Variants in MARCHF1 observed in about 807,000 individuals in gnomAD.
The protein encoded by MARCHF1 is E3 ubiquitin-protein ligase MARCHF1.
A neutral mutation model predicts 54.2 loss-of-function variants in MARCHF1; 40 were observed. The ratio of observed to expected loss-of-function variants is 0.74; its 90% CI spans 0.57 to 0.96. The LOEUF is 0.96. Among genes scored for constraint, MARCHF1 ranks in the 40% least tolerant of loss-of-function variants. The pLI is 0.00. For missense variants in MARCHF1, 586 were observed against 656.5 expected (o/e 0.89, Z 1.17); for synonymous variants, 236 against 236.3 (o/e 1.00, Z 0.01).
At position 164,089,204 on chromosome 4, in the gene MARCHF1, G is replaced by T. The variant is rs568765348; in HGVS notation, c.-248+22384C>A. ...ACACTAAATAACAAAATATGACATT[G>T]AATATTGTCATGAAAATACGACATT... On this transcript the variant is annotated intron_variant, in intron 2 of 9. Transcript: ENST00000514618. Among the ~76,000 whole-genome samples, 4 of 152,142 alleles carry T rather than the reference G, an allele frequency of 2.6e-5. No individual in the cohort carries two copies. In the South Asian group the frequency reaches 8.3e-4, roughly 32 times the overall value.
intron 4 of MARCHF1, among the ~76,000 whole-genome samples, chr4:163,730,878 C>G (rs944109373): frequency 6.6e-6 from 1 of 152,134 alleles, no homozygotes; most frequent in African/African-American, 2.4e-5. Context: ...CTGCTTCTCC[C>G]TCTCCCAATG....
intron 1 of MARCHF1, among the ~76,000 whole-genome samples, chr4:164,243,624 C>A (rs1278310620): frequency 1.9e-4 from 29 of 152,038 alleles, no homozygotes; most frequent in Non-Finnish European, 3.2e-4. Context: ...CTTTAAATGT[C>A]AATGGACTAA....
chr4:163,605,709 T>C (rs1337583721), intron 7 of MARCHF1, among the ~76,000 whole-genome samples: 2 of 152,214 alleles, frequency 1.3e-5, no homozygotes, highest in East Asian at 1.9e-4. Flanking sequence ...ATATACACCA[T>C]GAAATATTAT....
intron 3 of MARCHF1, among the ~76,000 whole-genome samples, chr4:163,929,522 C>G (rs1751608577): frequency 6.6e-6 from 1 of 151,922 alleles, no homozygotes; most frequent in Admixed American, 6.6e-5. Flanking sequence ...TCTTACAGTT[C>G]ATTTTTGCCA....
chr4:163,913,898 ATG>A (rs982917731), intron 3 of MARCHF1, among the ~76,000 whole-genome samples: 69 of 152,296 alleles, frequency 4.5e-4, no homozygotes, highest in African/African-American at 1.6e-3. Flanking sequence ...CCTGAATGAT[ATG>A]TGTCATTAAC....
chr4:163,590,255 T>TA (rs371898817), intron 7 of MARCHF1, among the ~76,000 whole-genome samples: 570 of 129,762 alleles, frequency 4.4e-3, no homozygotes, highest in African/African-American at 9.0e-3. Context: ...AACTCATCAC[T>TA]AAAAAAAAAA....
At chr4:163,987,455 T>TGAGTACA (rs1392230845) in intron 3 of MARCHF1, among the ~76,000 whole-genome samples, 1 of 152,202 alleles carries the variant, frequency 6.6e-6, no homozygotes, top group African/African-American at 2.4e-5. Flanking sequence ...TGTACTCAAA[T>TGAGTACA]TTATTAGTCT....
At chr4:164,017,975 A>T (rs994122709) in intron 2 of MARCHF1, among the ~76,000 whole-genome samples, 7 of 151,942 alleles carry the variant, frequency 4.6e-5, no homozygotes, top group Non-Finnish European at 8.8e-5. Context: ...AGAAATAAAT[A>T]AAAAGTTTTG....
intron 2 of MARCHF1, among the ~76,000 whole-genome samples, chr4:164,097,459 C>T (rs896616945): frequency 1.3e-5 from 2 of 152,082 alleles, no homozygotes; most frequent in East Asian, 1.9e-4. Context: ...ATATCATAAA[C>T]TATGATTTAT....
At chr4:164,152,186 G>T (rs115831512) in intron 1 of MARCHF1, among the ~76,000 whole-genome samples, 61 of 152,272 alleles carry the variant, frequency 4.0e-4, no homozygotes, top group Non-Finnish European at 7.4e-4. Flanking sequence ...GTGATTTCAG[G>T]TGGTGATACT....
intron 7 of MARCHF1, among the ~76,000 whole-genome samples, chr4:163,605,284 A>G (rs1401504259): frequency 6.6e-6 from 1 of 152,182 alleles, no homozygotes; most frequent in Non-Finnish European, 1.5e-5. Flanking sequence ...ACATTTATGC[A>G]GCCAACAAAC....
At chr4:163,842,671 C>T (rs766194945) in intron 4 of MARCHF1, among the ~76,000 whole-genome samples, 12 of 152,172 alleles carry the variant, frequency 7.9e-5, no homozygotes, top group Admixed American at 2.6e-4. Flanking sequence ...GCTCATGGCA[C>T]GTAGTATGTA....
chr4:163,652,092 T>C (rs1380702106), intron 5 of MARCHF1, among the ~76,000 whole-genome samples: 6 of 151,864 alleles, frequency 4.0e-5, no homozygotes, highest in Non-Finnish European at 5.9e-5. Flanking sequence ...CATGTGCAGA[T>C]GGATAATGCC....
intron 1 of MARCHF1, among the ~76,000 whole-genome samples, chr4:164,291,005 T>C (rs1734271186): frequency 6.6e-6 from 1 of 151,986 alleles, no homozygotes; most frequent in African/African-American, 2.4e-5. Context: ...TTTTTTAAAT[T>C]ATGATGCTTA....
At chr4:164,041,269 A>G (rs1277378958) in intron 2 of MARCHF1, among the ~76,000 whole-genome samples, 1 of 152,090 alleles carries the variant, frequency 6.6e-6, no homozygotes, top group Non-Finnish European at 1.5e-5. Context: ...TATCCTACTC[A>G]CCAGAACTTC....
chr4:163,620,606 C>CACACACACACACAG (rs1282901525), intron 5 of MARCHF1, among the ~76,000 whole-genome samples: 4 of 56,870 alleles, frequency 7.0e-5, no homozygotes, highest in African/African-American at 1.9e-4. Context: ...CACACACACA[C>CACACACACACACAG]AGAGAGAGAG....
intron 3 of MARCHF1, among the ~76,000 whole-genome samples, chr4:163,981,763 A>C (rs1413792802): frequency 6.6e-6 from 1 of 152,124 alleles, no homozygotes; most frequent in Non-Finnish European, 1.5e-5. Context: ...CCTGATTAAT[A>C]AAACATGCAG....
chr4:164,321,105 A>G (rs1221518292), intron 1 of MARCHF1, among the ~76,000 whole-genome samples: 1 of 152,176 alleles, frequency 6.6e-6, no homozygotes, highest in Non-Finnish European at 1.5e-5. Context: ...AAGTAATATA[A>G]GAGTATATCT....
At chr4:164,259,559 A>AG (rs1733399408) in intron 1 of MARCHF1, among the ~76,000 whole-genome samples, 14 of 119,618 alleles carry the variant, frequency 1.2e-4, no homozygotes, top group East Asian at 2.0e-4. Flanking sequence ...AAAAAAAAAA[A>AG]AAAAAAGAAA....
Sources: allele counts gnomAD v4.1 joint callset (sites outside exome capture counted in the v4.1 genomes callset), GRCh38; gene constraint gnomAD v4.1.1; transcripts MANE v1.5; gene names NCBI Gene and HGNC (gene_info 2026-07-23, HGNC 2026-07-21).